The following L1CAM variants were observed in gnomAD, a reference collection of about 807,000 sequenced individuals.
L1CAM encodes the protein L1 cell adhesion molecule.
In L1CAM, 8 loss-of-function variants were observed where a neutral mutation model predicts 93.0. That is an observed-to-expected ratio of 0.09 (90% CI 0.05 to 0.16). L1CAM has a LOEUF of 0.16. Among genes scored for constraint, L1CAM ranks in the 10% least tolerant of loss-of-function variants. The probability of loss-of-function intolerance (pLI) is 1.00; values close to 1 mark genes in which losing one functional copy is unlikely to be tolerated. For synonymous variants in L1CAM, 453 were observed against 453.0 expected (o/e 1.00, Z 0.00); for missense variants, 777 against 1,073.4 (o/e 0.72, Z 3.86).
intron 20 of L1CAM, 25 bp from the exon 21 acceptor site, chrX:153,865,525 G>A (rs1362089028): frequency 1.7e-6 from 2 of 1,189,682 alleles, no homozygotes; most frequent in East Asian, 3.0e-5. Context: ...AGGAGACCTC[G>A]CAGGGGCAGA....
In L1CAM at chrX:153,867,516, A is replaced by T. The variant is rs143382184; in HGVS notation, c.1977T>A (p.Pro659=). 5.8e-6 allele frequency: 7 copies of T among 1,211,261 alleles called. No homozygotes were observed. The highest frequency in any genetic ancestry group is 7.8e-6 in the Non-Finnish European group (7 of 894,868). ...CCTTGCCCAGACTGTACCATTTTTC[A>T]GGCGCCATTTCCTTGTCCTCAAATT... ...DIEFEDKEMA[P]EKWYSLGKVP... is the part of the protein sequence containing the mutation. The change falls in exon 17 of 29, where the codon CCT becomes CCA. Residue 659 remains proline, a synonymous_variant. Transcript: ENST00000370060.
At chrX:153,874,817 C>T (rs1048381808) in intron 2 of L1CAM, among the ~76,000 whole-genome samples, 5 of 111,998 alleles carry the variant, frequency 4.5e-5, no homozygotes, top group Non-Finnish European at 9.4e-5. Context: ...CCTCACACGG[C>T]CTGACAGCTA....
Position 153,864,991 on chromosome X carries a change from T to C in L1CAM, c.2876A>G (p.Asp959Gly), listed in dbSNP as rs200465059. ...TGYVLSYHPL[D>G]EGGKGQLSFN... is the part of the protein sequence containing the mutation. ...GGACAGTTGCCCCTTGCCCCCCTCA[T>C]CCACTGTGGGGACAGACAGGGGTTG... The change falls in exon 23 of 29, where the codon GAT becomes GGT. Residue 959 changes from aspartate (D) to glycine (G), a missense_variant. By Grantham distance (94) the Asp-to-Gly change is moderately conservative. This residue lies in a region of L1CAM where 71 missense variants were observed against 77.4 expected (regional missense o/e 0.92). Coordinates refer to ENST00000370060, the MANE Select transcript of L1CAM (RefSeq NM_001278116.2). 34 of 1,210,946 alleles carry C rather than the reference T, an allele frequency of 2.8e-5. No homozygotes were observed. In the South Asian group the frequency reaches 5.4e-4, roughly 19 times the overall value.
At chrX:153,877,668 G>A (rs1210881776) in intron 1 of L1CAM, among the ~76,000 whole-genome samples, 1 of 111,803 alleles carries the variant, frequency 8.9e-6, no homozygotes, top group Non-Finnish European at 1.9e-5. Context: ...GCCTTCCCTT[G>A]AGAACTGGTG....
chrX:153,882,999 T>A (rs1418423548), intron 1 of L1CAM, among the ~76,000 whole-genome samples: 3 of 112,060 alleles, frequency 2.7e-5, no homozygotes, highest in Non-Finnish European at 5.6e-5. Flanking sequence ...AGAGGCAAGC[T>A]GGGCGGGCTA....
intron 1 of L1CAM, chrX:153,883,887 G>A (rs1557096278): frequency 2.3e-5 from 8 of 341,461 alleles, no homozygotes; most frequent in Non-Finnish European, 4.7e-5. Flanking sequence ...AAGGGAACTT[G>A]GTGATCAAGG....
intron 2 of L1CAM, among the ~76,000 whole-genome samples, chrX:153,875,374 C>A (rs2064804723): frequency 8.9e-6 from 1 of 112,131 alleles, no homozygotes; most frequent in African/African-American, 3.2e-5. Flanking sequence ...TGGGGACGAC[C>A]CCATTCTCCT....
At chrX:153,867,243 C>T in intron 17 of L1CAM, 113 bp downstream of exon 17, 1 of 985,583 alleles carries the variant, frequency 1.0e-6, no homozygotes, top group South Asian at 1.9e-5. Flanking sequence ...CCCTCGCGCT[C>T]CCCCTGGAAA....
At chrX:153,873,530 C>T (rs1172208258) in intron 2 of L1CAM, among the ~76,000 whole-genome samples, 1 of 112,357 alleles carries the variant, frequency 8.9e-6, no homozygotes, top group Non-Finnish European at 1.9e-5. Context: ...ATGCCTCCAG[C>T]TCTAGCAGAC....
Position 153,865,691 on chromosome X carries a change from C to T in L1CAM, c.2547+13G>A. ...TGATCACCCTCCTGGGCCCCCATGC[C>T]TTCAACCCTTACATTGTATCCGCGG... On this transcript the variant is annotated intron_variant, in intron 20 of 28. Transcript: ENST00000370060. 1.7e-6 allele frequency: 2 copies of T among 1,175,696 alleles called. No homozygotes were observed. Among genetic ancestry groups the T allele is most frequent in the Non-Finnish European group, 2.3e-6 (2 of 862,245 alleles).
intron 7 of L1CAM, 76 bp from the exon 8 acceptor site, chrX:153,870,575 ACT>A: frequency 2.2e-6 from 2 of 912,063 alleles, no homozygotes; most frequent in Non-Finnish European, 3.1e-6. Context: ...GGGACTCGAC[ACT>A]CCAGCCAGCC....
rs1476516008 is a variant in L1CAM, at chrX:153,871,283, C to T, written c.401-104G>A. The T allele has an allele frequency of 1.1e-5, 8 of 742,169 alleles. No homozygotes were observed. The African/African-American group carries it at 1.3e-4, about 12-fold the overall frequency. 61.2% of individuals were successfully genotyped at this position (742,169 alleles called of 1,213,427 possible). A position where few individuals can be genotyped will look rare whatever the true frequency, so the allele number is the denominator to read the frequency against. On this transcript the variant is annotated intron_variant, in intron 5 of 28. Transcript: ENST00000370060. ...GGTGGCGGGCTACACCAGGGATGGA[C>T]GAGGGGGCGAGAGGGTCAGGCCAGT...
chrX:153,866,022 G>A, intron 19 of L1CAM: 2 of 424,271 alleles, frequency 4.7e-6, no homozygotes, highest in South Asian at 7.0e-5. Flanking sequence ...CTTATACAAA[G>A]GAGAAACCAT....
At position 153,863,513 on chromosome X, in the gene L1CAM, G is replaced by A; in HGVS notation, c.3494C>T (p.Ala1165Val). The change falls in exon 27 of 29, where the codon GCC becomes GTC. Residue 1165 changes from alanine (A) to valine (V), a missense_variant. Physicochemically the swap from Ala to Val is moderately conservative, Grantham distance 64. Coordinates refer to ENST00000370060, the MANE Select transcript of L1CAM (RefSeq NM_001278116.2). Reference protein sequence around the residue: ...DKEDTQVDSEARPMKDETFGE... With the variant: ...DKEDTQVDSEVRPMKDETFGE... ...GAAGGTCTCATCTTTCATCGGTCGG[G>A]CCTCAGAGTCCACCTGGGTGTCCTC... The A allele has an allele frequency of 8.3e-7, 1 of 1,211,366 alleles. No homozygotes were observed. The highest frequency in any genetic ancestry group is 1.1e-6 in the Non-Finnish European group (1 of 895,124).
At chrX:153,885,579 A>G (rs1024132108) in intron 1 of L1CAM, 98 of 307,275 alleles carry the variant, frequency 3.2e-4, no homozygotes, top group African/African-American at 2.7e-3. Flanking sequence ...ATCCCGATCT[A>G]CCCCTCACCA....
chrX:153,870,742 T>C, intron 7 of L1CAM, 48 bp downstream of exon 7: 1 of 1,157,699 alleles, frequency 8.6e-7, no homozygotes, highest in South Asian at 1.8e-5. Context: ...GGGCCATGCC[T>C]GAGGGTGAAA....
intron 1 of L1CAM, chrX:153,883,799 T>C: frequency 2.9e-6 from 1 of 343,006 alleles, no homozygotes; most frequent in Non-Finnish European, 5.9e-6. Context: ...CGTGCCCTCC[T>C]GGAGCCTGGG....
intron 3 of L1CAM, 40 bp downstream of exon 3, chrX:153,873,188 T>C (rs1557093734): frequency 1.7e-6 from 2 of 1,196,655 alleles, no homozygotes; most frequent in Non-Finnish European, 2.3e-6. Flanking sequence ...ACCCTTCTCC[T>C]TGGCCTTCTG....
chrX:153,881,915 G>A (rs782612812), intron 1 of L1CAM, among the ~76,000 whole-genome samples: 18 of 111,789 alleles, frequency 1.6e-4, no homozygotes, highest in Admixed American at 6.6e-4. Context: ...AGGGAGCTAG[G>A]ATGACCCTAG....
Sources: allele counts gnomAD v4.1 joint callset (sites outside exome capture counted in the v4.1 genomes callset), GRCh38; gene constraint gnomAD v4.1.1; regional missense constraint gnomAD v4.1.1; transcripts MANE v1.5; gene names NCBI Gene and HGNC (gene_info 2026-07-23, HGNC 2026-07-21).